Variants in ALDH3B1 observed in about 807,000 individuals in gnomAD.
The protein encoded by ALDH3B1 is aldehyde dehydrogenase 3 family member B1.
In ALDH3B1, 37 loss-of-function variants were observed where a neutral mutation model predicts 46.2. The observed-to-expected ratio is 0.80, with a 90% CI of 0.62 to 1.05. The LOEUF (loss-of-function observed/expected upper bound fraction) is 1.05. Ranked by LOEUF, ALDH3B1 falls within the 50% of genes least tolerant of loss-of-function variation. The pLI, the probability that ALDH3B1 is intolerant of heterozygous loss-of-function variation, is 0.00. For missense variants in ALDH3B1, 603 were observed against 665.5 expected (o/e 0.91, Z 1.03); for synonymous variants, 283 against 281.0 (o/e 1.01, Z -0.07).
At chr11:68,015,129 C>T (rs1857316962) in intron 1 of ALDH3B1, 168 bp from the exon 2 acceptor site, 1 of 674,858 alleles carries the variant, frequency 1.5e-6, no homozygotes, top group Non-Finnish European at 2.4e-6. Flanking sequence ...CAGCCTCAGT[C>T]CCTGTGGGGT....
chr11:68,019,696 C>T lies in ALDH3B1; in HGVS notation c.481-19C>T. 1 of 1,612,860 alleles carries T rather than the reference C, an allele frequency of 6.2e-7. No individual in the cohort carries two copies. The highest frequency in any genetic ancestry group is 8.5e-7 in the Non-Finnish European group (1 of 1,179,218). ...GGAGCTGGGGTCCCAGAAGGAGCCT[C>T]ACCCATCCCGCCTTGCAGAGCTGCT... On this transcript the variant is annotated intron_variant, in intron 5 of 9. Coordinates refer to ENST00000342456, the MANE Select transcript of ALDH3B1 (RefSeq NM_000694.4).
At chr11:68,011,482 A>C (rs894575556) in intron 1 of ALDH3B1, among the ~76,000 whole-genome samples, 2 of 152,140 alleles carry the variant, frequency 1.3e-5, no homozygotes, top group African/African-American at 4.8e-5. Flanking sequence ...GAGTGCCTCC[A>C]TTTTGGTTTG....
At chr11:68,022,019 A>G (rs1417435731) in intron 7 of ALDH3B1, 148 bp downstream of exon 7, 10 of 1,384,088 alleles carry the variant, frequency 7.2e-6, no homozygotes, top group African/African-American at 1.5e-5. Flanking sequence ...CAGTGCCATG[A>G]TTCCGTCTCT....
intron 8 of ALDH3B1, chr11:68,025,476 C>T (rs1857598866): frequency 6.6e-6 from 1 of 152,250 alleles, no homozygotes; most frequent in Non-Finnish European, 1.5e-5. Context: ...CAAGGACCTT[C>T]AAGCAAGGGC....
chr11:68,027,247 C>A (rs1857648949), intron 9 of ALDH3B1, among the ~76,000 whole-genome samples: 3 of 152,154 alleles, frequency 2.0e-5, no homozygotes, highest in Admixed American at 2.0e-4. Context: ...CAGGAAGCCC[C>A]CCAGCCAACC....
chr11:68,019,562 C>T (rs1464855087), intron 5 of ALDH3B1, among the ~76,000 whole-genome samples, 153 bp from the exon 6 acceptor site: 1 of 152,232 alleles, frequency 6.6e-6, no homozygotes, highest in Non-Finnish European at 1.5e-5. Context: ...GAGCTCCCTT[C>T]TCCCCACTTT....
intron 7 of ALDH3B1, among the ~76,000 whole-genome samples, 161 bp from the exon 8 acceptor site, chr11:68,022,434 G>A (rs968920874): frequency 3.3e-5 from 5 of 152,208 alleles, no homozygotes; most frequent in Admixed American, 1.3e-4. Context: ...GCTGTGGGGA[G>A]ACTTTCTTCC....
intron 1 of ALDH3B1, among the ~76,000 whole-genome samples, chr11:68,012,272 C>T (rs1326664858): frequency 6.6e-6 from 1 of 152,190 alleles, no homozygotes; most frequent in Admixed American, 6.5e-5. Flanking sequence ...CCACTCTGTT[C>T]CCGGAGCCTG....
upstream of ALDH3B1, among the ~76,000 whole-genome samples, chr11:68,010,095 C>T (rs186251071): frequency 8.4e-4 from 128 of 152,380 alleles, no homozygotes; most frequent in East Asian, 4.8e-3. Context: ...CCTCCTCCTC[C>T]TCAGGCTGCC....
chr11:68,019,873 G>A, intron 6 of ALDH3B1, 77 bp downstream of exon 6: 1 of 1,453,214 alleles, frequency 6.9e-7, no homozygotes, highest in Non-Finnish European at 9.6e-7. Flanking sequence ...CTAACTCTGG[G>A]AGTCCACAGG....
chr11:68,008,646 G>C (rs959330252), upstream of ALDH3B1: 7 of 152,218 alleles, frequency 4.6e-5, no homozygotes, highest in African/African-American at 1.7e-4. Flanking sequence ...ATCTAATCAC[G>C]GGCCACCGGT....
Position 68,022,602 on chromosome 11 carries a change from G to T in ALDH3B1, c.957G>T (p.Thr319=), listed in dbSNP as rs778359310. 1.4e-5 allele frequency: 23 copies of T among 1,613,486 alleles called. No homozygotes were observed. In the East Asian group the frequency reaches 4.5e-4, roughly 31 times the overall value. ...TGTCTCTGGTGCCTGCAGCCCCCAC[G>T]GTGCTGGTGGATGTGCAGGAGATGG... is the stretch of plus-strand genomic sequence containing the variant. ...SDESDRYIAP[T]VLVDVQEMEP... The change falls in exon 8 of 10, where the codon ACG becomes ACT. Residue 319 remains threonine (T), a synonymous_variant. Transcript: ENST00000342456.
intron 8 of ALDH3B1, among the ~76,000 whole-genome samples, chr11:68,023,082 A>C (rs1203862109): frequency 3.3e-5 from 5 of 152,094 alleles, no homozygotes; most frequent in Non-Finnish European, 5.9e-5. Context: ...TGACCCCTCA[A>C]GCCTGGCTCT....
intron 1 of ALDH3B1, among the ~76,000 whole-genome samples, chr11:68,012,118 C>A (rs1339648549): frequency 2.0e-5 from 3 of 152,158 alleles, no homozygotes; most frequent in Non-Finnish European, 4.4e-5. Flanking sequence ...GCAGAGCCTC[C>A]GTTTCCCTGG....
At position 68,021,772 on chromosome 11, in the gene ALDH3B1, C is replaced by T. The variant is rs750127525; in HGVS notation, c.850C>T (p.Arg284Cys). 16 of 1,614,052 alleles carry T rather than the reference C, an allele frequency of 9.9e-6. No homozygotes were observed. Among genetic ancestry groups the T allele is most frequent in the Admixed American group, 3.3e-5 (2 of 59,996 alleles). Residue 284 changes from arginine (R) to cysteine (C), a missense_variant, in exon 7 of 10, where the codon CGC becomes TGC. Physicochemically the swap from Arg to Cys is radical, Grantham distance 180 (BLOSUM62 -3). Coordinates refer to ENST00000342456, the MANE Select transcript of ALDH3B1 (RefSeq NM_000694.4). ...DDPQSSPNLG[R>C]IINQKQFQRL... ...CCCCCAGAGCTCCCCAAACCTGGGC[C>T]GCATCATCAACCAGAAACAGTTCCA...
At chr11:68,022,942 G>T (rs1404245124) in intron 8 of ALDH3B1, among the ~76,000 whole-genome samples, 181 bp downstream of exon 8, 2 of 152,204 alleles carry the variant, frequency 1.3e-5, no homozygotes, top group African/African-American at 2.4e-5. Context: ...CCTGTCCCCA[G>T]TCTGGGCCCC....
intron 6 of ALDH3B1, among the ~76,000 whole-genome samples, chr11:68,020,803 C>T (rs966250989): frequency 2.6e-5 from 4 of 152,224 alleles, no homozygotes; most frequent in Admixed American, 6.5e-5. Flanking sequence ...AATGCCAGGG[C>T]CATCCCCACA....
intron 1 of ALDH3B1, among the ~76,000 whole-genome samples, chr11:68,011,640 C>A (rs1484061162): frequency 6.6e-6 from 1 of 152,178 alleles, no homozygotes; most frequent in Non-Finnish European, 1.5e-5. Context: ...GCCTAGTGAT[C>A]CCCGCCTTCT....
At chr11:68,014,009 G>T (rs181794267) in intron 1 of ALDH3B1, among the ~76,000 whole-genome samples, 1 of 152,202 alleles carries the variant, frequency 6.6e-6, no homozygotes, top group African/African-American at 2.4e-5. Flanking sequence ...AGCAGGTCCC[G>T]CCCTCAAGGT....
Sources: allele counts gnomAD v4.1 joint callset (sites outside exome capture counted in the v4.1 genomes callset), GRCh38; gene constraint gnomAD v4.1.1; transcripts MANE v1.5; gene names NCBI Gene and HGNC (gene_info 2026-07-23, HGNC 2026-07-21).